Variants in ITGA1 observed in about 807,000 individuals in gnomAD.
The protein encoded by ITGA1 is integrin subunit alpha 1, also known as integrin alpha-1.
Under a neutral mutation model 145.9 loss-of-function variants are expected in ITGA1, and 85 were observed. That is an observed-to-expected ratio of 0.58 (90% CI 0.49 to 0.70). ITGA1 has a LOEUF of 0.70. ITGA1 is among the 30% of genes least tolerant of loss of function. ITGA1 has a pLI of 0.00. For synonymous variants in ITGA1, 520 were observed against 495.3 expected (o/e 1.05, Z -0.66); for missense variants, 1,351 against 1,418.7 (o/e 0.95, Z 0.77).
At position 52,933,923 on chromosome 5, in the gene ITGA1, C is replaced by A; in HGVS notation, c.2891C>A (p.Ala964Asp). 1.3e-6 allele frequency: 2 copies of A among 1,532,552 alleles called. No homozygotes were observed. Among genetic ancestry groups the A allele is most frequent in the Non-Finnish European group, 1.8e-6 (2 of 1,134,516 alleles). The allele number at this position is 1,532,552 out of a possible 1,614,324, so 94.9% of individuals were successfully genotyped here. ...GCAAGTGAATACCACATTTCAATTG[C>A]TGCCAATGAGACAGTCCCTGAAGTT... ...SSASEYHISI[A>D]ANETVPEVIN... The change falls in exon 23 of 29, where the codon GCT (alanine) becomes GAT (aspartate). Residue 964 changes from alanine to aspartate, a missense_variant. Transcript: ENST00000282588.
At chr5:52,893,891 G>A (rs781048207) in intron 9 of ITGA1, 51 bp downstream of exon 9, 1 of 1,377,122 alleles carries the variant, frequency 7.3e-7, no homozygotes, top group South Asian at 1.3e-5. Context: ...TTCAAAATCA[G>A]TATAATGGGA....
intron 1 of ITGA1, among the ~76,000 whole-genome samples, chr5:52,808,672 CTTTCTTT>C (rs1320023020): frequency 1.9e-4 from 8 of 42,348 alleles, no homozygotes; most frequent in Non-Finnish European, 2.9e-4. Flanking sequence ...TTCTTTCTTT[CTTTCTTT>C]TTTTTTTTTT....
Position 52,833,131 on chromosome 5 carries a change from G to T in ITGA1, c.62-16234G>T, listed in dbSNP as rs1030221412. Among the ~76,000 whole-genome samples the T allele has an allele frequency of 2.3e-4, 35 of 151,448 alleles. 1 individual carries two copies. Among genetic ancestry groups the T allele is most frequent in the Non-Finnish European group, 4.4e-5 (3 of 67,968 alleles). On this transcript the variant is annotated intron_variant, in intron 1 of 28. Transcript: ENST00000282588. ...CACTTGAACCCAGGATGTGGAGGCT[G>T]CAGTGAGCCAAGATAGTGCCACTGC...
intron 2 of ITGA1, among the ~76,000 whole-genome samples, chr5:52,855,018 A>G (rs7704305): frequency 0.28 from 42,051 of 152,138 alleles, 6,102 homozygotes; most frequent in South Asian, 0.39. Flanking sequence ...ACTAACTTGC[A>G]TTAAATTTTA....
intron 1 of ITGA1, 146 bp downstream of exon 1, chr5:52,788,560 G>A (rs902175597): frequency 1.7e-6 from 1 of 598,638 alleles, no homozygotes; most frequent in East Asian, 3.5e-5. Context: ...GCCAGGCTAC[G>A]GGGCAGGCAG....
intron 8 of ITGA1, among the ~76,000 whole-genome samples, chr5:52,888,302 G>A (rs939520944): frequency 2.0e-5 from 3 of 152,116 alleles, no homozygotes; most frequent in African/African-American, 7.2e-5. Context: ...AGGAAAAGAA[G>A]AGGAGGAAAG....
intron 1 of ITGA1, among the ~76,000 whole-genome samples, chr5:52,810,369 AT>A (rs1356232748): frequency 6.6e-6 from 1 of 152,208 alleles, no homozygotes; most frequent in African/African-American, 2.4e-5. Flanking sequence ...TATATTCAAC[AT>A]TTTATCTTTC....
chr5:52,938,637 G>A (rs1751007412), intron 24 of ITGA1, among the ~76,000 whole-genome samples: 2 of 152,148 alleles, frequency 1.3e-5, no homozygotes, highest in Admixed American at 1.3e-4. Flanking sequence ...ATTAACTTTT[G>A]TCAAGGATAT....
Position 52,915,613 on chromosome 5 carries a change from T to A in ITGA1, c.1988+19T>A, listed in dbSNP as rs781714009. ...TCTTCTGGTATGTATTTTAATAACA[T>A]CCTGTTAATCTGAGACTGGGTCACT... On this transcript the variant is annotated intron_variant, in intron 15 of 28. Transcript: ENST00000282588. The A allele has an allele frequency of 6.2e-6, 10 of 1,612,524 alleles. 1 individual carries two copies. The East Asian group carries it at 1.3e-4, about 22-fold the overall frequency.
At chr5:52,804,200 T>C (rs953689059) in intron 1 of ITGA1, among the ~76,000 whole-genome samples, 2 of 152,218 alleles carry the variant, frequency 1.3e-5, no homozygotes, top group African/African-American at 4.8e-5. Flanking sequence ...TTCCAACTGC[T>C]ACTCATTAAG....
chr5:52,949,505 G>A (rs1392382954), intron 28 of ITGA1, among the ~76,000 whole-genome samples: 1 of 152,108 alleles, frequency 6.6e-6, no homozygotes, highest in South Asian at 2.1e-4. Flanking sequence ...AGCAAAGGGA[G>A]GTAAAGTGAC....
At chr5:52,890,099 C>G (rs1342685164) in intron 8 of ITGA1, 2 of 152,070 alleles carry the variant, frequency 1.3e-5, no homozygotes, top group Non-Finnish European at 2.9e-5. Flanking sequence ...ATCCATGGAC[C>G]TACCACCCAA....
chr5:52,868,240 C>G (rs745390706), intron 6 of ITGA1, among the ~76,000 whole-genome samples: 7 of 152,034 alleles, frequency 4.6e-5, no homozygotes, highest in African/African-American at 7.2e-5. Context: ...ATGTATATTA[C>G]TCTTAAAAAT....
chr5:52,949,824 G>A (rs1002898887), intron 28 of ITGA1, among the ~76,000 whole-genome samples: 4 of 152,188 alleles, frequency 2.6e-5, no homozygotes, highest in Non-Finnish European at 5.9e-5. Flanking sequence ...TTCAGTTGCA[G>A]TAGGTTCAGA....
chr5:52,903,642 G>C (rs1201897950), intron 11 of ITGA1: 1 of 152,166 alleles, frequency 6.6e-6, no homozygotes, highest in Non-Finnish European at 1.5e-5. Context: ...CTTGGTAAGT[G>C]AGTTAGAAAA....
intron 1 of ITGA1, among the ~76,000 whole-genome samples, chr5:52,792,489 T>C (rs540360402): frequency 2.0e-4 from 31 of 152,280 alleles, no homozygotes; most frequent in Non-Finnish European, 1.8e-4. Flanking sequence ...GTTTAACTAT[T>C]TCTCTTCCCT....
At chr5:52,949,759 C>T (rs1751190492) in intron 28 of ITGA1, among the ~76,000 whole-genome samples, 1 of 152,158 alleles carries the variant, frequency 6.6e-6, no homozygotes, top group Non-Finnish European at 1.5e-5. Flanking sequence ...ATCAAGAAGG[C>T]TAATCCCACT....
intron 28 of ITGA1, among the ~76,000 whole-genome samples, chr5:52,948,001 T>C (rs906821853): frequency 2.6e-5 from 4 of 152,136 alleles, no homozygotes; most frequent in African/African-American, 9.7e-5. Context: ...GGATAAGGGA[T>C]CAGCTGATGT....
intron 1 of ITGA1, among the ~76,000 whole-genome samples, chr5:52,827,005 A>G (rs1476812166): frequency 6.6e-6 from 1 of 152,004 alleles, no homozygotes; most frequent in African/African-American, 2.4e-5. Context: ...TAGCTGTCAT[A>G]GATAGTGATT....
Sources: allele counts gnomAD v4.1 joint callset (sites outside exome capture counted in the v4.1 genomes callset), GRCh38; gene constraint gnomAD v4.1.1; transcripts MANE v1.5; gene names NCBI Gene and HGNC (gene_info 2026-07-23, HGNC 2026-07-21).